Variants in CRISP1 observed in about 807,000 individuals in gnomAD.
The protein encoded by CRISP1 is cysteine rich secretory protein 1, also known as cysteine-rich secretory protein 1.
A neutral mutation model predicts 33.1 loss-of-function variants in CRISP1; 44 were observed. The ratio of observed to expected loss-of-function variants is 1.33; its 90% CI spans 1.05 to 1.71. CRISP1 has a LOEUF of 1.71. Ranked by LOEUF, CRISP1 falls within the 40% of genes most tolerant of loss-of-function variation. The pLI is 0.00. For missense variants in CRISP1, 390 were observed against 301.2 expected (o/e 1.29, Z -2.18); for synonymous variants, 103 against 98.7 (o/e 1.04, Z -0.26).
At chr6:49,854,723 T>A (rs1333347607) in intron 2 of CRISP1, among the ~76,000 whole-genome samples, 1 of 152,176 alleles carries the variant, frequency 6.6e-6, no homozygotes, top group African/African-American at 2.4e-5. Context: ...TTTTTTTCAA[T>A]AATATGTTCT....
rs1582257582 is a variant in CRISP1 at position 49,840,927 on chromosome 6, T to C, written c.504A>G (p.Arg168=). 6.2e-7 allele frequency: 1 copy of C among 1,613,850 alleles called. No individual in the cohort carries two copies. Among genetic ancestry groups the C allele is most frequent in the Non-Finnish European group, 8.5e-7 (1 of 1,179,822 alleles). Residue 168 remains arginine, a synonymous_variant, in exon 6 of 8, where the codon CGA becomes CGG. Transcript: ENST00000335847. Reference sequence around the variant, plus strand: ...GACAATAGTGACAAACGTAGAGATATCGAGGTGATCCTTGTTGGCGGCAAG... The same window carrying C: ...GACAATAGTGACAAACGTAGAGATACCGAGGTGATCCTTGTTGGCGGCAAG... ...IASCRQQGSP[R]YLYVCHYCHE...
At chr6:49,876,461 G>T (rs1772037806) in intron 1 of CRISP1, among the ~76,000 whole-genome samples, 1 of 151,258 alleles carries the variant, frequency 6.6e-6, no homozygotes, top group Non-Finnish European at 1.5e-5. Context: ...GTTCAACAAT[G>T]TGGAAGACAG....
rs559684504 is a variant in CRISP1 at position 49,840,198 on chromosome 6, C to T, written c.533+700G>A. ...GAATAATCTTCACTTTTCTGATAAC[C>T]GTCACTGGAGCCACACAGTTGGGCC... On this transcript the variant is annotated intron_variant, in intron 6 of 7. Transcript: ENST00000335847. 2.1e-4 allele frequency among the ~76,000 whole-genome samples: 32 copies of T among 152,218 alleles called. 1 individual carries two copies. The highest frequency in any genetic ancestry group is 7.2e-4 in the African/African-American group (30 of 41,546).
At chr6:49,863,326 A>G (rs921236552) in intron 1 of CRISP1, among the ~76,000 whole-genome samples, 3 of 152,178 alleles carry the variant, frequency 2.0e-5, no homozygotes, top group Non-Finnish European at 2.9e-5. Flanking sequence ...ACCACCTGGA[A>G]GATTGCAAAT....
At chr6:49,872,955 G>C (rs1400995673) in intron 1 of CRISP1, among the ~76,000 whole-genome samples, 2 of 152,016 alleles carry the variant, frequency 1.3e-5, no homozygotes, top group Non-Finnish European at 2.9e-5. Context: ...TTGGTAGCTT[G>C]ATGGGGATGG....
intron 3 of CRISP1, among the ~76,000 whole-genome samples, chr6:49,849,523 G>T (rs542497306): frequency 6.6e-6 from 1 of 152,122 alleles, no homozygotes; most frequent in African/African-American, 2.4e-5. Flanking sequence ...TCATTTTTGT[G>T]CTGCAAGCAA....
intron 4 of CRISP1, among the ~76,000 whole-genome samples, chr6:49,847,760 C>T (rs560759153): frequency 1.3e-5 from 2 of 152,222 alleles, no homozygotes; most frequent in South Asian, 4.1e-4. Context: ...AAGATGGGCT[C>T]ATTTTTGAGC....
upstream of CRISP1, among the ~76,000 whole-genome samples, chr6:49,871,002 G>A (rs965168185): frequency 3.9e-5 from 6 of 152,054 alleles, no homozygotes; most frequent in African/African-American, 1.2e-4. Context: ...TCAGGAGGCT[G>A]AGGCATGAGA....
intron 1 of CRISP1, among the ~76,000 whole-genome samples, chr6:49,874,632 T>C (rs1771997462): frequency 6.6e-6 from 1 of 152,172 alleles, no homozygotes; most frequent in Middle Eastern, 3.4e-3. Context: ...ATATCCTTGA[T>C]GAACATTGAT....
At chr6:49,856,434 C>T (rs1771499822) in intron 2 of CRISP1, among the ~76,000 whole-genome samples, 1 of 152,140 alleles carries the variant, frequency 6.6e-6, no homozygotes, top group Non-Finnish European at 1.5e-5. Context: ...ATTCAGGACT[C>T]TAATTCAGGA....
intron 5 of CRISP1, among the ~76,000 whole-genome samples, chr6:49,845,859 G>C (rs1771148744): frequency 6.6e-6 from 1 of 152,134 alleles, no homozygotes; most frequent in Admixed American, 6.5e-5. Context: ...AATATATCAT[G>C]CTGAGTGAAA....
intron 1 of CRISP1, among the ~76,000 whole-genome samples, chr6:49,871,793 C>G (rs1013503594): frequency 6.6e-6 from 1 of 152,014 alleles, no homozygotes; most frequent in African/African-American, 2.4e-5. Context: ...TTAATCTGGT[C>G]TATCGTTGTT....
At chr6:49,838,322 T>C (rs1163536337) in intron 7 of CRISP1, 115 bp downstream of exon 7, 4 of 749,000 alleles carry the variant, frequency 5.3e-6, no homozygotes, top group East Asian at 2.6e-5. Context: ...AATTTGTACA[T>C]GAATGAGATG....
intron 5 of CRISP1, among the ~76,000 whole-genome samples, chr6:49,845,869 A>G (rs1036635518): frequency 6.6e-6 from 1 of 152,204 alleles, no homozygotes; most frequent in Non-Finnish European, 1.5e-5. Context: ...GCTGAGTGAA[A>G]TAAAGCAGAC....
At chr6:49,876,497 G>A (rs892466361) in intron 1 of CRISP1, among the ~76,000 whole-genome samples, 1 of 151,814 alleles carries the variant, frequency 6.6e-6, no homozygotes, top group African/African-American at 2.4e-5. Context: ...AAGATCTAGA[G>A]GCAGAAATAC....
Position 49,837,869 on chromosome 6 carries a change from G to A in CRISP1, c.622+568C>T, listed in dbSNP as rs562312724. ...CAGAAATGGCACCCATTTGGCTAAA[G>A]CTTTACCTTAGGTAAGATTTATTCA... On this transcript the variant is annotated intron_variant, in intron 7 of 7. Transcript: ENST00000335847. Among the ~76,000 whole-genome samples, 528 of 151,076 alleles carry A rather than the reference G, an allele frequency of 3.5e-3. 5 individuals carry two copies. The highest frequency in any genetic ancestry group is 0.012 in the African/African-American group (504 of 41,206).
chr6:49,871,986 C>A (rs1342752210), intron 1 of CRISP1, among the ~76,000 whole-genome samples: 1 of 152,074 alleles, frequency 6.6e-6, no homozygotes, highest in Non-Finnish European at 1.5e-5. Context: ...CTGACTTCCA[C>A]AATGGTTGAA....
intron 3 of CRISP1, among the ~76,000 whole-genome samples, chr6:49,848,825 A>G (rs919719301): frequency 1.3e-5 from 2 of 152,300 alleles, no homozygotes; most frequent in Admixed American, 6.5e-5. Context: ...AATAACAAAA[A>G]TAAAAGCTAA....
At chr6:49,849,203 G>A (rs1771275432) in intron 3 of CRISP1, among the ~76,000 whole-genome samples, 1 of 152,104 alleles carries the variant, frequency 6.6e-6, no homozygotes, top group South Asian at 2.1e-4. Flanking sequence ...TCATTGTGGT[G>A]TATATGAAAC....
Sources: gnomAD v4.1 joint callset for allele counts (sites outside exome capture counted in the v4.1 genomes callset) on GRCh38, gnomAD v4.1.1 for gene constraint, MANE v1.5 for transcripts, NCBI Gene and HGNC (gene_info 2026-07-23, HGNC 2026-07-21) for gene names.